The following PRSS41 variants were observed in gnomAD, a reference collection of about 807,000 sequenced individuals.
The protein encoded by PRSS41 is serine protease 41, also known as protease, serine 41.
Under a neutral mutation model 28.8 loss-of-function variants are expected in PRSS41, and 37 were observed. That is an observed-to-expected ratio of 1.29 (90% CI 0.99 to 1.69). The LOEUF is 1.69. PRSS41 is among the 40% of genes most tolerant of loss of function. The pLI is 0.00. For synonymous variants in PRSS41, 195 were observed against 163.1 expected (o/e 1.20, Z -1.49); for missense variants, 431 against 400.7 (o/e 1.08, Z -0.65).
At chr16:2,801,333 CTTA>C (rs1350914367) in intron 4 of PRSS41, among the ~76,000 whole-genome samples, 1 of 148,966 alleles carries the variant, frequency 6.7e-6, no homozygotes, top group Non-Finnish European at 1.5e-5. Flanking sequence ...TTCTTGGACT[CTTA>C]TTTTTTTTTT....
rs1180588996 is a variant in PRSS41 at position 2,798,979 on chromosome 16, A to AT, written c.114dup (p.His39SerfsTer88). The AT allele has an allele frequency of 7.0e-5, 107 of 1,530,686 alleles. No individual in the cohort carries two copies. Among genetic ancestry groups the AT allele is most frequent in the Non-Finnish European group, 9.3e-5 (106 of 1,144,214 alleles). The allele number at this position is 1,530,686 out of a possible 1,614,324, so 94.8% of individuals were successfully genotyped here. On this transcript the variant is annotated frameshift_variant, in exon 3 of 6. Transcript: ENST00000399677. LOFTEE classifies it high-confidence loss of function. ...CCCAGAGGCCTGCGGCCACCGGGAA[A>AT]TTCACGCGCTGGTGGCGGGCGGAGT...
At chr16:2,798,922 A>ACCCCC in intron 2 of PRSS41, 37 bp from the exon 3 acceptor site, 1 of 682,682 alleles carries the variant, frequency 1.5e-6, no homozygotes, top group Non-Finnish European at 2.3e-6. Flanking sequence ...ACCCCACCCC[A>ACCCCC]CCCGGCAGCT....
Position 2,802,166 on chromosome 16 carries a change from G to A in PRSS41, c.542-2223G>A, listed in dbSNP as rs574847342. Among the ~76,000 whole-genome samples the A allele has an allele frequency of 2.9e-3, 439 of 151,428 alleles. 3 individuals carry two copies. Among genetic ancestry groups the A allele is most frequent in the African/African-American group, 0.01 (413 of 41,162 alleles). On this transcript the variant is annotated intron_variant, in intron 4 of 5. Transcript: ENST00000399677. ...CAGAGGGTCTCCTCACTTCTCAGACGGGGTGGCCGGGCAGAGACGCTCCTC... is the reference window on the plus strand; with the variant it reads ...CAGAGGGTCTCCTCACTTCTCAGACAGGGTGGCCGGGCAGAGACGCTCCTC...
chr16:2,801,421 G>A (rs1244810631), intron 4 of PRSS41, among the ~76,000 whole-genome samples: 1 of 150,048 alleles, frequency 6.7e-6, no homozygotes, highest in Non-Finnish European at 1.5e-5. Flanking sequence ...GACAATAGTG[G>A]AGGGAAGGTC....
chr16:2,798,813 G>T, intron 2 of PRSS41, 146 bp from the exon 3 acceptor site: 1 of 1,180,200 alleles, frequency 8.5e-7, no homozygotes, highest in East Asian at 2.9e-5. Flanking sequence ...TGCCCACCAC[G>T]TGGGAGGGTC....
At chr16:2,798,734 C>G (rs1355622936) in intron 2 of PRSS41, 72 bp downstream of exon 2, 2 of 1,343,828 alleles carry the variant, frequency 1.5e-6, no homozygotes, top group African/African-American at 1.6e-5. Flanking sequence ...ATCTACTGCT[C>G]TCTGTTCCAG....
At chr16:2,801,865 C>T (rs2068988476) in intron 4 of PRSS41, among the ~76,000 whole-genome samples, 1 of 152,238 alleles carries the variant, frequency 6.6e-6, no homozygotes, top group African/African-American at 2.4e-5. Flanking sequence ...GCACACCTCC[C>T]AGACGGGGTG....
At chr16:2,800,860 A>G (rs535646882) in intron 4 of PRSS41, among the ~76,000 whole-genome samples, 1 of 152,356 alleles carries the variant, frequency 6.6e-6, no homozygotes, top group East Asian at 1.9e-4. Context: ...TTAAGACACA[A>G]ACACATTGTA....
At chr16:2,800,273 G>A (rs916621901) in intron 4 of PRSS41, among the ~76,000 whole-genome samples, 2 of 152,170 alleles carry the variant, frequency 1.3e-5, no homozygotes, top group African/African-American at 2.4e-5. Flanking sequence ...CAGGCCAGGC[G>A]CATGAGCCTA....
chr16:2,798,910 C>G, intron 2 of PRSS41, 49 bp from the exon 3 acceptor site: 1 of 1,090,310 alleles, frequency 9.2e-7, no homozygotes, highest in Non-Finnish European at 1.3e-6. Flanking sequence ...GCGGGCCTGC[C>G]CACCCCACCC....
chr16:2,798,526 T>C (rs1421280553), exon 1 of PRSS41: 1 of 1,527,592 alleles, frequency 6.5e-7, no homozygotes, highest in Non-Finnish European at 8.8e-7. Context: ...TGCTGCTGGC[T>C]CGGGCTGGAC....
chr16:2,803,875 C>G (rs1374907748), intron 4 of PRSS41, among the ~76,000 whole-genome samples: 1 of 152,174 alleles, frequency 6.6e-6, no homozygotes, highest in Non-Finnish European at 1.5e-5. Flanking sequence ...TCACTTCTCT[C>G]TCCATGTTCA....
chr16:2,802,027 C>T (rs992016962), intron 4 of PRSS41, among the ~76,000 whole-genome samples: 3 of 148,744 alleles, frequency 2.0e-5, no homozygotes, highest in Non-Finnish European at 3.0e-5. Context: ...GGCTGACCCC[C>T]CCCACCTCCC....
At position 2,804,991 on chromosome 16, in the gene PRSS41, C is replaced by G. The variant is rs1327468070; in HGVS notation, c.777C>G (p.Asp259Glu). The stretch of plus-strand genomic sequence containing the variant: ...TTGGAATCGTGAGCTGGGGAATGGA[C>G]TGCGGTCAACCCAATCGGCCTGGTG... The change falls in exon 6 of 6, where the codon GAC becomes GAG. Residue 259 changes from aspartate to glutamate, a missense_variant. Physicochemically the swap from Asp to Glu is conservative, Grantham distance 45. Coordinates refer to ENST00000399677, the Ensembl canonical transcript of PRSS41. 6 of 1,582,668 alleles carry G rather than the reference C, an allele frequency of 3.8e-6. No individual in the cohort carries two copies. The South Asian group carries it at 6.9e-5, about 18-fold the overall frequency.
In PRSS41 at chr16:2,799,280, T is replaced by C. The variant is rs1247413539; in HGVS notation, c.258-6T>C. On this transcript the variant is annotated splice_region_variant and splice_polypyrimidine_tract_variant and intron_variant, in intron 3 of 5. Transcript: ENST00000399677. Reference sequence around the variant, plus strand: ...AGGCTCCCCGCCCTCTCTCCTTTTCTGCTAGGCACTACTATCCCTCCGAGT... The same window carrying C: ...AGGCTCCCCGCCCTCTCTCCTTTTCCGCTAGGCACTACTATCCCTCCGAGT... 12 of 1,551,216 alleles carry C rather than the reference T, an allele frequency of 7.7e-6. No homozygotes were observed. The highest frequency in any genetic ancestry group is 3.9e-5 in the Admixed American group (2 of 50,998).
At position 2,798,672 on chromosome 16, in the gene PRSS41, C is replaced by G. The variant is rs2068964393; in HGVS notation, c.91+10C>G. Reference sequence around the variant, plus strand: ...GAGGAGCTGTTGTCAGGTAGGGCGCCCAGGACGCGCGATGCCAGCCAGGGC... The same window carrying G: ...GAGGAGCTGTTGTCAGGTAGGGCGCGCAGGACGCGCGATGCCAGCCAGGGC... On this transcript the variant is annotated intron_variant, in intron 2 of 5. Coordinates refer to ENST00000399677, the Ensembl canonical transcript of PRSS41. 3 of 1,461,874 alleles carry G rather than the reference C, an allele frequency of 2.1e-6. No individual in the cohort carries two copies. The highest frequency in any genetic ancestry group is 2.7e-6 in the Non-Finnish European group (3 of 1,110,394). 90.6% of individuals were successfully genotyped at this position (1,461,874 alleles called of 1,614,324 possible).
exon 6 of PRSS41, chr16:2,805,287 A>T: frequency 1.6e-6 from 1 of 624,526 alleles, no homozygotes; most frequent in Non-Finnish European, 2.8e-6. Context: ...TTGCTAATAA[A>T]TACGTGTGCA....
intron 4 of PRSS41, 114 bp from the exon 5 acceptor site, chr16:2,804,275 T>G: frequency 8.3e-6 from 9 of 1,077,944 alleles, no homozygotes; most frequent in Non-Finnish European, 1.2e-5. Context: ...CTGGGTGTTG[T>G]GGGTGTGTCA....
exon 6 of PRSS41, chr16:2,805,002 C>T (rs756349222): frequency 2.8e-5 from 44 of 1,577,174 alleles, no homozygotes; most frequent in Non-Finnish European, 3.5e-5. Flanking sequence ...TGCGGTCAAC[C>T]CAATCGGCCT....
Sources: allele counts gnomAD v4.1 joint callset (sites outside exome capture counted in the v4.1 genomes callset), GRCh38; gene constraint gnomAD v4.1.1; transcripts MANE v1.5; gene names NCBI Gene and HGNC (gene_info 2026-07-23, HGNC 2026-07-21).